Variants in SEC31B observed in about 807,000 individuals in gnomAD.
SEC31B encodes the protein protein transport protein Sec31B.
A neutral mutation model predicts 135.0 loss-of-function variants in SEC31B; 113 were observed. The observed-to-expected ratio is 0.84, with a 90% CI of 0.72 to 0.98. The LOEUF (loss-of-function observed/expected upper bound fraction) is 0.98. Among genes scored for constraint, SEC31B ranks in the 50% least tolerant of loss-of-function variants. SEC31B has a pLI of 0.00. For missense variants in SEC31B, 1,296 were observed against 1,421.1 expected (o/e 0.91, Z 1.42); for synonymous variants, 508 against 549.4 (o/e 0.92, Z 1.05).
At position 100,516,161 on chromosome 10, in the gene SEC31B, A is replaced by G; in HGVS notation, c.138T>C (p.Phe46=). The G allele has an allele frequency of 6.2e-7, 1 of 1,613,980 alleles. No homozygotes were observed. Among genetic ancestry groups the G allele is most frequent in the South Asian group, 1.1e-5 (1 of 91,036 alleles). The change falls in exon 3 of 26, where the codon TTT becomes TTC. Residue 46 remains phenylalanine, a synonymous_variant. Transcript: ENST00000370345. ...SFSTNGTLEI[F]EVDFRDPSLD... is the part of the protein sequence containing the mutation. The stretch of plus-strand genomic sequence containing the variant: ...GAGAAGGGTCCCTGAAATCAACCTC[A>G]AATATTTCCAATGTGCCATTTGTGC...
At chr10:100,498,922 A>C (rs749899379) in intron 13 of SEC31B, 118 bp from the exon 14 acceptor site, 1 of 797,306 alleles carries the variant, frequency 1.3e-6, no homozygotes, top group Non-Finnish European at 2.0e-6. Context: ...CTAAAAAAAT[A>C]GCCAGGTAAG....
chr10:100,500,425 C>T (rs1322513133), intron 11 of SEC31B, among the ~76,000 whole-genome samples: 4 of 152,102 alleles, frequency 2.6e-5, no homozygotes, highest in Non-Finnish European at 5.9e-5. Flanking sequence ...AGTGATTCTC[C>T]TGTCTCAGCC....
At chr10:100,510,127 C>G (rs11594265) in intron 3 of SEC31B, among the ~76,000 whole-genome samples, 4,374 of 152,340 alleles carry the variant, frequency 0.029, 92 homozygotes, top group Non-Finnish European at 0.045. Context: ...CCATCTTATT[C>G]CAGAGCCTGA....
chr10:100,508,495 G>C (rs1329571020), intron 5 of SEC31B: 2 of 464,314 alleles, frequency 4.3e-6, no homozygotes, highest in African/African-American at 4.0e-5. Flanking sequence ...AAAGAGAAAA[G>C]GCCAGGAAGC....
At chr10:100,508,919 T>C (rs574800879) in intron 5 of SEC31B, 88 bp downstream of exon 5, 1 of 1,027,538 alleles carries the variant, frequency 9.7e-7, no homozygotes, top group African/African-American at 1.6e-5. Context: ...TGATATCTCT[T>C]GAGCTCTGAT....
intron 10 of SEC31B, among the ~76,000 whole-genome samples, chr10:100,503,978 A>G (rs1851577730): frequency 6.6e-6 from 1 of 152,194 alleles, no homozygotes; most frequent in Non-Finnish European, 1.5e-5. Flanking sequence ...CACAAAATCT[A>G]CACCACAGAT....
intron 10 of SEC31B, among the ~76,000 whole-genome samples, chr10:100,503,629 T>TC (rs1199425816): frequency 6.6e-6 from 1 of 151,972 alleles, no homozygotes; most frequent in Non-Finnish European, 1.5e-5. Context: ...GACAGGGGTT[T>TC]CTCCATGTTG....
Position 100,488,287 on chromosome 10 carries a change from G to A in SEC31B, c.3289-189C>T, listed in dbSNP as rs573314867. Reference sequence around the variant, plus strand: ...ATCCTGGCTGACACGGTGAAACCCCGTCTCCATTAAAAATACAAAAAATTA... The same window carrying A: ...ATCCTGGCTGACACGGTGAAACCCCATCTCCATTAAAAATACAAAAAATTA... On this transcript the variant is annotated intron_variant, in intron 24 of 25. Transcript: ENST00000370345. 3.9e-5 allele frequency among the ~76,000 whole-genome samples: 6 copies of A among 152,026 alleles called. No individual in the cohort carries two copies. The East Asian group carries it at 5.8e-4, about 15-fold the overall frequency.
At chr10:100,499,742 C>CTTT in intron 11 of SEC31B, 144 bp from the exon 12 acceptor site, 1 of 627,050 alleles carries the variant, frequency 1.6e-6, no homozygotes, top group South Asian at 2.0e-5. Context: ...AATGCCATCT[C>CTTT]TTTTTCCTCC....
intron 10 of SEC31B, 117 bp downstream of exon 10, chr10:100,505,244 G>C: frequency 7.7e-7 from 1 of 1,298,446 alleles, no homozygotes; most frequent in Non-Finnish European, 1.1e-6. Flanking sequence ...AGAGGCAGTG[G>C]GAATACGTCT....
intron 13 of SEC31B, 94 bp from the exon 14 acceptor site, chr10:100,498,898 G>A (rs920440976): frequency 3.3e-5 from 32 of 982,596 alleles, no homozygotes; most frequent in Non-Finnish European, 4.5e-5. Flanking sequence ...CTATTTGGCC[G>A]TTAATGGGTA....
In SEC31B at chr10:100,490,145, C is replaced by T; in HGVS notation, c.2828G>A (p.Arg943Lys). ...TPRLFPLLPL[R>K]PLGPGRMVSH... ...GACCATGCGGCCGGGACCTAGTGGT[C>T]TCAGAGGAAGCAGAGGGAACAGTCT... Residue 943 changes from arginine to lysine, a missense_variant, in exon 21 of 26, where the codon AGA (arginine) becomes AAA (lysine). Transcript: ENST00000370345. 1 of 1,597,086 alleles carries T rather than the reference C, an allele frequency of 6.3e-7. No homozygotes were observed. Among genetic ancestry groups the T allele is most frequent in the Non-Finnish European group, 8.5e-7 (1 of 1,172,272 alleles).
At chr10:100,519,646 C>A (rs895922388) in intron 1 of SEC31B, 136 bp downstream of exon 1, 2 of 152,324 alleles carry the variant, frequency 1.3e-5, no homozygotes, top group African/African-American at 4.8e-5. Context: ...CCCGGACCCG[C>A]GGGCAGGGCA....
intron 15 of SEC31B, 29 bp from the exon 16 acceptor site, chr10:100,497,822 A>G: frequency 6.2e-7 from 1 of 1,614,154 alleles, no homozygotes; most frequent in African/African-American, 1.3e-5. Context: ...GAAAGAGACC[A>G]TCAGCCATCC....
Position 100,487,746 on chromosome 10 carries a change from T to A in SEC31B, c.3410A>T (p.Asp1137Val). The stretch of plus-strand genomic sequence containing the variant: ...AAGGCCCTGCTCAAAGCTTCCTGCA[T>A]CCACACATCGGGCAACCTCATGGAG... ...AGLHEVARCVDAGSFEQGLAV... is the reference protein window; with the variant it reads ...AGLHEVARCVVAGSFEQGLAV... Residue 1137 changes from aspartate (D) to valine (V), a missense_variant, in exon 26 of 26, where the codon GAT becomes GTT. Asp to Val is a radical substitution (Grantham distance 152). Coordinates refer to ENST00000370345, the MANE Select transcript of SEC31B (RefSeq NM_015490.4). The A allele has an allele frequency of 6.2e-7, 1 of 1,614,048 alleles. No individual in the cohort carries two copies. Among genetic ancestry groups the A allele is most frequent in the Non-Finnish European group, 8.5e-7 (1 of 1,179,980 alleles).
At chr10:100,497,016 C>T in intron 17 of SEC31B, 119 bp downstream of exon 17, 1 of 1,246,422 alleles carries the variant, frequency 8.0e-7, no homozygotes, top group Non-Finnish European at 1.1e-6. Flanking sequence ...TCGCTCCTCC[C>T]TAACACCGTG....
intron 3 of SEC31B, among the ~76,000 whole-genome samples, chr10:100,515,680 A>G (rs942967148): frequency 1.3e-5 from 2 of 152,234 alleles, no homozygotes; most frequent in African/African-American, 4.8e-5. Flanking sequence ...AGAGCCATGA[A>G]ATCCATGAGA....
chr10:100,491,885 C>T (rs577564659), intron 19 of SEC31B, among the ~76,000 whole-genome samples: 2 of 152,358 alleles, frequency 1.3e-5, no homozygotes, highest in Admixed American at 6.5e-5. Flanking sequence ...GGTTTGCTTT[C>T]TCTTGCACAT....
At chr10:100,488,181 C>G in intron 24 of SEC31B, 83 bp from the exon 25 acceptor site, 3 of 1,300,234 alleles carry the variant, frequency 2.3e-6, no homozygotes. Context: ...CATATTAGGC[C>G]GGGCATGGTG....
Sources: gnomAD v4.1 joint callset for allele counts (sites outside exome capture counted in the v4.1 genomes callset) on GRCh38, gnomAD v4.1.1 for gene constraint, MANE v1.5 for transcripts, NCBI Gene and HGNC (gene_info 2026-07-23, HGNC 2026-07-21) for gene names.